SDK1: variants seen among roughly 807,000 people sequenced by gnomAD.
SDK1 encodes the protein sidekick cell adhesion molecule 1.
In SDK1, 157 loss-of-function variants were observed where a neutral mutation model predicts 245.5. The observed-to-expected ratio is 0.64, with a 90% confidence interval of 0.56 to 0.73. SDK1 has a LOEUF of 0.73. Ranked by LOEUF, SDK1 falls within the 30% of genes least tolerant of loss-of-function variation. The probability of loss-of-function intolerance (pLI) is 0.00; values close to 1 mark genes in which losing one functional copy is unlikely to be tolerated. For synonymous variants in SDK1, 1,647 were observed against 1,278.5 expected (o/e 1.29, Z -6.15); for missense variants, 3,583 against 3,002.3 (o/e 1.19, Z -4.52).
intron 1 of SDK1, among the ~76,000 whole-genome samples, chr7:3,466,895 G>T (rs763470061): frequency 2.0e-5 from 3 of 150,550 alleles, no homozygotes; most frequent in Non-Finnish European, 4.4e-5. Context: ...GATTTTTAAA[G>T]CTGGAAATAT....
At chr7:3,771,863 C>G (rs1173472782) in intron 4 of SDK1, among the ~76,000 whole-genome samples, 4 of 152,186 alleles carry the variant, frequency 2.6e-5, no homozygotes, top group Non-Finnish European at 4.4e-5. Flanking sequence ...CTCCAGAACT[C>G]TTTTCATCTT....
intron 4 of SDK1, among the ~76,000 whole-genome samples, chr7:3,736,067 C>A (rs1037826017): frequency 3.3e-5 from 5 of 152,034 alleles, no homozygotes; most frequent in African/African-American, 1.2e-4. Context: ...TGTAAGAGTT[C>A]TTTATATATT....
At chr7:3,727,069 T>C (rs1020108585) in intron 4 of SDK1, among the ~76,000 whole-genome samples, 7 of 152,244 alleles carry the variant, frequency 4.6e-5, no homozygotes, top group Admixed American at 1.3e-4. Context: ...TTTATAGGCA[T>C]GACATGCTTC....
At chr7:4,010,814 T>C in intron 14 of SDK1, 152 bp from the exon 15 acceptor site, 1 of 784,178 alleles carries the variant, frequency 1.3e-6, no homozygotes, top group Non-Finnish European at 2.0e-6. Context: ...GAGCCTCAGT[T>C]TCCACACCTG....
At chr7:3,394,233 G>C (rs1272489980) in intron 1 of SDK1, among the ~76,000 whole-genome samples, 1 of 152,094 alleles carries the variant, frequency 6.6e-6, no homozygotes, top group African/African-American at 2.4e-5. Context: ...TTTGTGTAGG[G>C]TCTAAGATCA....
In SDK1 at chr7:4,011,028, G is replaced by A; in HGVS notation, c.2194G>A (p.Gly732Ser). The A allele has an allele frequency of 6.2e-7, 1 of 1,614,190 alleles. No individual in the cohort carries two copies. Among genetic ancestry groups the A allele is most frequent in the Non-Finnish European group, 8.5e-7 (1 of 1,180,026 alleles). Residue 732 changes from glycine to serine, a missense_variant, in exon 15 of 45, where the codon GGC becomes AGC. Physicochemically the swap from Gly to Ser is moderately conservative, Grantham distance 56. Transcript: ENST00000404826. The part of the protein sequence containing the change: ...GPEMTGVTVS[G>S]LTPARTYQFR... ...TGAGATGACAGGCGTCACCGTGAGT[G>A]GCCTGACTCCGGCTCGTACCTATCA...
intron 1 of SDK1, among the ~76,000 whole-genome samples, chr7:3,424,532 A>T (rs138473413): frequency 6.6e-6 from 1 of 152,294 alleles, no homozygotes; most frequent in African/African-American, 2.4e-5. Context: ...GTCTCTTATG[A>T]ATCTTGCTGC....
At chr7:3,610,286 C>T (rs1283630185) in intron 1 of SDK1, among the ~76,000 whole-genome samples, 2 of 152,142 alleles carry the variant, frequency 1.3e-5, no homozygotes, top group African/African-American at 4.8e-5. Flanking sequence ...ATTTGAGATT[C>T]TTTTCTTGGA....
intron 5 of SDK1, among the ~76,000 whole-genome samples, chr7:3,901,395 C>A (rs10215016): frequency 6.6e-6 from 1 of 151,978 alleles, no homozygotes; most frequent in Non-Finnish European, 1.5e-5. Flanking sequence ...ACCGTGCTAG[C>A]CAGGATGGTC....
At chr7:4,223,839 A>G (rs1785267912) in intron 40 of SDK1, among the ~76,000 whole-genome samples, 1 of 152,206 alleles carries the variant, frequency 6.6e-6, no homozygotes, top group Admixed American at 6.5e-5. Flanking sequence ...TTCCAGGAGT[A>G]CTTTCGTATG....
chr7:3,596,632 C>G (rs575882037), intron 1 of SDK1, among the ~76,000 whole-genome samples: 1 of 152,070 alleles, frequency 6.6e-6, no homozygotes, highest in Non-Finnish European at 1.5e-5. Flanking sequence ...TGTAGGCAGT[C>G]GTTTTTCTGA....
intron 44 of SDK1, among the ~76,000 whole-genome samples, chr7:4,247,117 C>T (rs536303011): frequency 1.3e-5 from 2 of 152,194 alleles, no homozygotes; most frequent in Non-Finnish European, 2.9e-5. Context: ...TAGGCCTGCC[C>T]CGCCTCCTGG....
chr7:4,240,621 A>C (rs1362010927), intron 42 of SDK1, among the ~76,000 whole-genome samples: 1 of 152,186 alleles, frequency 6.6e-6, no homozygotes, highest in African/African-American at 2.4e-5. Flanking sequence ...ATGCCAACGC[A>C]CTTAGCAAAT....
At chr7:3,360,548 A>G (rs1193320010) in intron 1 of SDK1, among the ~76,000 whole-genome samples, 1 of 152,134 alleles carries the variant, frequency 6.6e-6, no homozygotes, top group Non-Finnish European at 1.5e-5. Context: ...GATATTTTCG[A>G]TAGAAATAAC....
At chr7:3,418,238 G>T (rs1583828112) in intron 1 of SDK1, among the ~76,000 whole-genome samples, 1 of 151,548 alleles carries the variant, frequency 6.6e-6, no homozygotes, top group African/African-American at 2.4e-5. Context: ...AATTGCTTGA[G>T]CCCGGGAGGC....
At chr7:4,008,813 G>C (rs1186135381) in intron 14 of SDK1, among the ~76,000 whole-genome samples, 4 of 152,160 alleles carry the variant, frequency 2.6e-5, no homozygotes, top group Admixed American at 2.6e-4. Flanking sequence ...TATCCCTCAG[G>C]TTGCTTCTAC....
At chr7:3,792,820 G>C (rs769372917) in intron 4 of SDK1, among the ~76,000 whole-genome samples, 1 of 152,006 alleles carries the variant, frequency 6.6e-6, no homozygotes, top group Admixed American at 6.6e-5. Flanking sequence ...TCTCACTCTT[G>C]AGCTTGTTGA....
chr7:3,897,394 G>A (rs1054823437), intron 5 of SDK1, among the ~76,000 whole-genome samples: 5 of 151,928 alleles, frequency 3.3e-5, no homozygotes, highest in African/African-American at 1.2e-4. Flanking sequence ...ACCCACCATT[G>A]TACTTCCTGT....
At chr7:4,158,624 C>G (rs560808920) in intron 31 of SDK1, 73 bp downstream of exon 31, 1 of 1,129,552 alleles carries the variant, frequency 8.9e-7, no homozygotes, top group East Asian at 2.4e-5. Flanking sequence ...GCCACACTTT[C>G]GTCTTGAGCC....
Sources: allele counts gnomAD v4.1 joint callset (sites outside exome capture counted in the v4.1 genomes callset), GRCh38; gene constraint gnomAD v4.1.1; transcripts MANE v1.5; gene names NCBI Gene and HGNC (gene_info 2026-07-23, HGNC 2026-07-21).